Variants in KHDC1 observed in about 807,000 individuals in gnomAD.
The protein encoded by KHDC1 is KH domain containing 1, also known as KH homology domain-containing protein 1.
In KHDC1, 21 loss-of-function variants were observed where a neutral mutation model predicts 24.7. The ratio of observed to expected loss-of-function variants is 0.85; its 90% CI spans 0.60 to 1.23. KHDC1 has a LOEUF of 1.23. Ranked by LOEUF, KHDC1 falls within the 50% of genes most tolerant of loss-of-function variation. The probability of loss-of-function intolerance (pLI) is 0.00; values close to 1 mark genes in which losing one functional copy is unlikely to be tolerated. For synonymous variants in KHDC1, 98 were observed against 111.7 expected, an observed-to-expected ratio of 0.88 and a Z score of 0.77; for missense variants, 274 against 298.5, an observed-to-expected ratio of 0.92 and a Z score of 0.61.
intron 1 of KHDC1, chr6:73,292,617 T>A: frequency 1.3e-6 from 1 of 760,022 alleles, no homozygotes; most frequent in East Asian, 2.5e-5. Flanking sequence ...CACTGGTCTC[T>A]GTTTTCTTCA....
chr6:73,279,651 C>T (rs894992768), intron 2 of KHDC1, among the ~76,000 whole-genome samples: 2 of 137,656 alleles, frequency 1.5e-5, no homozygotes, highest in African/African-American at 5.5e-5. Context: ...GCGAACATGG[C>T]TCACTGCAGC....
intron 2 of KHDC1, among the ~76,000 whole-genome samples, chr6:73,253,412 G>T (rs1582555068): frequency 6.6e-6 from 1 of 151,778 alleles, no homozygotes; most frequent in Non-Finnish European, 1.5e-5. Flanking sequence ...AATTAGCCAG[G>T]TGTGGTGGCA....
chr6:73,275,151 G>A (rs1767258325), intron 2 of KHDC1: 1 of 152,274 alleles, frequency 6.6e-6, no homozygotes, highest in Admixed American at 6.5e-5. Context: ...TTGGGAATTT[G>A]AGACCAGCCT....
chr6:73,289,365 A>AG (rs1767592408), intron 2 of KHDC1, among the ~76,000 whole-genome samples: 1 of 144,514 alleles, frequency 6.9e-6, no homozygotes, highest in Non-Finnish European at 1.5e-5. Flanking sequence ...AAAAAGAATA[A>AG]AATCTGGGCC....
At chr6:73,292,043 G>A in intron 1 of KHDC1, 1 of 1,613,910 alleles carries the variant, frequency 6.2e-7, no homozygotes, top group Non-Finnish European at 8.5e-7. Flanking sequence ...GTTTCTCTCT[G>A]TAAAGGAGAT....
chr6:73,288,563 G>A (rs189298503), intron 2 of KHDC1, among the ~76,000 whole-genome samples: 24 of 152,272 alleles, frequency 1.6e-4, no homozygotes, highest in Non-Finnish European at 2.2e-4. Flanking sequence ...AGAGGTTGCG[G>A]TGAGCTGAGA....
chr6:73,246,340 C>T (rs1766664453), intron 2 of KHDC1, among the ~76,000 whole-genome samples: 2 of 152,282 alleles, frequency 1.3e-5, no homozygotes, highest in Non-Finnish European at 2.9e-5. Context: ...ATTGTGATAG[C>T]ATAGACTACT....
chr6:73,261,339 A>C (rs1396735685), intron 2 of KHDC1, among the ~76,000 whole-genome samples: 1 of 152,084 alleles, frequency 6.6e-6, no homozygotes, highest in East Asian at 1.9e-4. Context: ...GCTACTTGAG[A>C]GGCTGAGGCA....
At chr6:73,302,226 T>A (rs927478618) in intron 1 of KHDC1, among the ~76,000 whole-genome samples, 4 of 151,634 alleles carry the variant, frequency 2.6e-5, no homozygotes, top group Non-Finnish European at 4.4e-5. Context: ...GAGGTGGAGG[T>A]TGTGGTGAGC....
At chr6:73,266,983 T>C (rs1767085365) in intron 2 of KHDC1, among the ~76,000 whole-genome samples, 1 of 151,980 alleles carries the variant, frequency 6.6e-6, no homozygotes, top group Non-Finnish European at 1.5e-5. Context: ...AGCCCAGAAG[T>C]TCGAGACCAG....
intron 2 of KHDC1, among the ~76,000 whole-genome samples, chr6:73,276,891 C>T (rs1767308990): frequency 6.6e-6 from 1 of 152,106 alleles, no homozygotes; most frequent in Admixed American, 6.5e-5. Context: ...GTAAAATATA[C>T]CTAGCAATTG....
intron 2 of KHDC1, chr6:73,263,490 CT>C (rs1767024448): frequency 6.4e-6 from 1 of 156,778 alleles, no homozygotes; most frequent in Non-Finnish European, 1.4e-5. Context: ...GTGGGGCTGC[CT>C]CTTCCCATGC....
chr6:73,290,435 C>A (rs1010142456), intron 2 of KHDC1: 32 of 346,402 alleles, frequency 9.2e-5, no homozygotes, highest in Non-Finnish European at 1.6e-4. Context: ...CAGGAAGTCA[C>A]TTAGGTGACA....
At chr6:73,293,089 G>A in intron 1 of KHDC1, 2 of 969,550 alleles carry the variant, frequency 2.1e-6, no homozygotes, top group East Asian at 2.8e-5. Context: ...TGGATGCCAA[G>A]ATTGATTCTA....
At chr6:73,292,051 G>C in intron 1 of KHDC1, 1 of 1,613,914 alleles carries the variant, frequency 6.2e-7, no homozygotes, top group Non-Finnish European at 8.5e-7. Flanking sequence ...CTGTAAAGGA[G>C]ATATATAAAG....
At chr6:73,306,277 C>T (rs1181877299) in intron 1 of KHDC1, among the ~76,000 whole-genome samples, 1 of 152,034 alleles carries the variant, frequency 6.6e-6, no homozygotes, top group Non-Finnish European at 1.5e-5. Flanking sequence ...TTGGAGGCTG[C>T]TACCTCTAGA....
intron 2 of KHDC1, among the ~76,000 whole-genome samples, chr6:73,279,299 T>C (rs1159321767): frequency 6.6e-6 from 1 of 152,022 alleles, no homozygotes; most frequent in African/African-American, 2.4e-5. Flanking sequence ...ATCCAGCTAC[T>C]TGGGAGCCTG....
chr6:73,279,575 ATTTTTTTTTTTT>A (rs560281126), intron 2 of KHDC1, among the ~76,000 whole-genome samples: 39 of 98,310 alleles, frequency 4.0e-4, no homozygotes, highest in African/African-American at 1.4e-3. Context: ...GGGACCATGG[ATTTTTTTTTTTT>A]TTTTTTTTTT....
intron 3 of KHDC1, 70 bp downstream of exon 2, chr6:73,242,336 G>A: frequency 6.2e-7 from 1 of 1,609,170 alleles, no homozygotes; most frequent in Non-Finnish European, 8.5e-7. Context: ...GATGAAGGTG[G>A]GAGGGGAGAG....
Sources: allele counts gnomAD v4.1 joint callset (sites outside exome capture counted in the v4.1 genomes callset), GRCh38; gene constraint gnomAD v4.1.1; transcripts MANE v1.5; gene names NCBI Gene and HGNC (gene_info 2026-07-23, HGNC 2026-07-21).